The following CCBE1 variants were observed in gnomAD, a reference collection of about 807,000 sequenced individuals.
The protein encoded by CCBE1 is collagen and calcium binding EGF domains 1.
CCBE1 carries 37 observed loss-of-function variants against 50.0 expected under a neutral mutation model. That is an observed-to-expected ratio of 0.74 (90% CI 0.57 to 0.97). The LOEUF is 0.97. Ranked by LOEUF, CCBE1 falls within the 50% of genes least tolerant of loss-of-function variation. The probability of loss-of-function intolerance (pLI) is 0.00; values close to 1 mark genes in which losing one functional copy is unlikely to be tolerated. For synonymous variants in CCBE1, 234 were observed against 203.7 expected, an observed-to-expected ratio of 1.15 and a Z score of -1.27; for missense variants, 538 against 523.8, an observed-to-expected ratio of 1.03 and a Z score of -0.26.
At chr18:59,550,998 C>CAAAAAAAAAAAAAAAAAAAAAAAAAAA (rs555160847) in intron 2 of CCBE1, among the ~76,000 whole-genome samples, 25 of 71,374 alleles carry the variant, frequency 3.5e-4, no homozygotes, top group African/African-American at 4.4e-4. Context: ...CAGCGAGACT[C>CAAAAAAAAAAAAAAAAAAAAAAAAAAA]AAAAAAAAAA....
At chr18:59,582,189 C>A (rs193085177) in intron 2 of CCBE1, among the ~76,000 whole-genome samples, 1 of 152,124 alleles carries the variant, frequency 6.6e-6, no homozygotes, top group Admixed American at 6.5e-5. Context: ...GTTTAAGGTT[C>A]GAGTCAAAAG....
At chr18:59,588,369 T>C (rs997627542) in intron 2 of CCBE1, among the ~76,000 whole-genome samples, 8 of 152,018 alleles carry the variant, frequency 5.3e-5, no homozygotes, top group Non-Finnish European at 8.8e-5. Context: ...TGAGACCAGC[T>C]TGGGAAACTT....
intron 2 of CCBE1, among the ~76,000 whole-genome samples, chr18:59,509,503 T>C (rs549466943): frequency 1.3e-5 from 2 of 152,228 alleles, no homozygotes; most frequent in African/African-American, 4.8e-5. Context: ...ACTAGGAAAA[T>C]GTTCATATTG....
At chr18:59,495,133 T>A (rs369802350) in intron 2 of CCBE1, among the ~76,000 whole-genome samples, 152 of 152,236 alleles carry the variant, frequency 1.0e-3, no homozygotes, top group African/African-American at 3.5e-3. Context: ...ACAGGTAAGA[T>A]CTGTCTTAAA....
At chr18:59,464,429 C>T (rs1911645460) in intron 5 of CCBE1, among the ~76,000 whole-genome samples, 1 of 152,188 alleles carries the variant, frequency 6.6e-6, no homozygotes, top group Non-Finnish European at 1.5e-5. Context: ...GAGCAAGACT[C>T]TGTCTCAAAA....
At chr18:59,663,816 T>A (rs2054317576) in intron 2 of CCBE1, among the ~76,000 whole-genome samples, 1 of 152,094 alleles carries the variant, frequency 6.6e-6, no homozygotes, top group African/African-American at 2.4e-5. Flanking sequence ...AATTACATTA[T>A]GAAAAGGCAG....
At chr18:59,583,456 G>A (rs1324538315) in intron 2 of CCBE1, among the ~76,000 whole-genome samples, 2 of 152,112 alleles carry the variant, frequency 1.3e-5, no homozygotes, top group Non-Finnish European at 2.9e-5. Flanking sequence ...GGAGGTAGAG[G>A]GCAAAACTGT....
At chr18:59,596,755 C>T (rs996300311) in intron 2 of CCBE1, among the ~76,000 whole-genome samples, 3 of 152,148 alleles carry the variant, frequency 2.0e-5, no homozygotes, top group Non-Finnish European at 2.9e-5. Flanking sequence ...GACTGTGACC[C>T]GACCATCAAT....
intron 2 of CCBE1, among the ~76,000 whole-genome samples, chr18:59,670,900 A>G (rs1416886345): frequency 6.6e-6 from 1 of 152,170 alleles, no homozygotes; most frequent in African/African-American, 2.4e-5. Flanking sequence ...GTGAGCCTAG[A>G]TCACACCGCT....
chr18:59,658,352 AAAATATATATATATATATATATATAT>A (rs2054226986), intron 2 of CCBE1, among the ~76,000 whole-genome samples: 5 of 20,994 alleles, frequency 2.4e-4, no homozygotes, highest in African/African-American at 1.2e-3. Context: ...AAAAAAAAAA[AAAATATATATATATATATATATATAT>A]ATATATATAT....
At chr18:59,492,989 C>A (rs1044353067) in intron 2 of CCBE1, among the ~76,000 whole-genome samples, 1 of 152,226 alleles carries the variant, frequency 6.6e-6, no homozygotes, top group African/African-American at 2.4e-5. Flanking sequence ...ACACTGTGGG[C>A]AGTTCCAGTG....
intron 2 of CCBE1, among the ~76,000 whole-genome samples, chr18:59,668,235 T>C (rs576339808): frequency 9.7e-4 from 148 of 152,152 alleles, no homozygotes; most frequent in African/African-American, 3.4e-3. Context: ...CTGGCCAAGA[T>C]GGTGAAACCC....
At chr18:59,687,209 A>G (rs1458091149) in intron 2 of CCBE1, among the ~76,000 whole-genome samples, 1 of 152,242 alleles carries the variant, frequency 6.6e-6, no homozygotes, top group Non-Finnish European at 1.5e-5. Flanking sequence ...GCTGGCTTAC[A>G]GATGCCCTCC....
intron 4 of CCBE1, among the ~76,000 whole-genome samples, chr18:59,469,181 C>T (rs1911901788): frequency 6.6e-6 from 1 of 152,200 alleles, no homozygotes; most frequent in Admixed American, 6.5e-5. Context: ...ACTTTTCTGA[C>T]CACTTATACT....
intron 2 of CCBE1, among the ~76,000 whole-genome samples, chr18:59,580,067 A>C (rs1171316730): frequency 6.6e-6 from 1 of 152,188 alleles, no homozygotes. Flanking sequence ...TCTAAGGGTA[A>C]AGGCAGTTGT....
chr18:59,508,022 C>G (rs918416241), intron 2 of CCBE1, among the ~76,000 whole-genome samples: 1 of 151,766 alleles, frequency 6.6e-6, no homozygotes, highest in Non-Finnish European at 1.5e-5. Flanking sequence ...TCTTGAGTAG[C>G]TGGGAGTACA....
At chr18:59,621,389 T>G (rs1362995964) in intron 2 of CCBE1, among the ~76,000 whole-genome samples, 1 of 152,218 alleles carries the variant, frequency 6.6e-6, no homozygotes, top group Admixed American at 6.5e-5. Flanking sequence ...CCTGACCACC[T>G]GCTCTGGGGC....
intron 2 of CCBE1, among the ~76,000 whole-genome samples, chr18:59,645,758 G>A (rs570920670): frequency 8.5e-5 from 13 of 152,296 alleles, no homozygotes; most frequent in South Asian, 6.2e-4. Flanking sequence ...CAGGCTGGGC[G>A]CGGTGGCTCA....
intron 2 of CCBE1, among the ~76,000 whole-genome samples, chr18:59,623,120 C>T (rs1053652561): frequency 4.6e-5 from 7 of 152,128 alleles, no homozygotes. Flanking sequence ...AATACCTATC[C>T]ATGTGGAGTC....
Sources: allele counts gnomAD v4.1 joint callset (sites outside exome capture counted in the v4.1 genomes callset), GRCh38; gene constraint gnomAD v4.1.1; transcripts MANE v1.5; gene names NCBI Gene and HGNC (gene_info 2026-07-23, HGNC 2026-07-21).